The following INTS4 variants were observed in gnomAD, a reference collection of about 807,000 sequenced individuals.
INTS4 encodes MSTP093.
INTS4 carries 70 observed loss-of-function variants against 119.5 expected under a neutral mutation model. That is an observed-to-expected ratio of 0.59 (90% CI 0.48 to 0.71). The LOEUF is 0.71. Among genes scored for constraint, INTS4 ranks in the 30% least tolerant of loss-of-function variants. The pLI is 0.00. For missense variants in INTS4, 867 were observed against 1,173.2 expected (o/e 0.74, Z 3.81); for synonymous variants, 316 against 419.6 (o/e 0.75, Z 3.02).
In INTS4 at chr11:77,918,879, A is replaced by G; in HGVS notation, c.1864T>C (p.Tyr622His). Residue 622 changes from tyrosine to histidine, a missense_variant, in exon 15 of 23, where the codon TAT (tyrosine) becomes CAT (histidine). By Grantham distance (83) the Tyr-to-His change is moderately conservative. This residue lies in a region of INTS4 where 262 missense variants were observed against 376.0 expected (regional missense o/e 0.70). Coordinates refer to ENST00000534064, the MANE Select transcript of INTS4 (RefSeq NM_033547.4). ...QFLQQSLERV[Y>H]SLQHLDPQGA... is the part of the protein sequence containing the mutation. Reference sequence around the variant, plus strand: ...TGAGGGTCCAAGTGCTGAAGACTATACACTCTTTCAAGGCTCTGCTGCAGG... The same window carrying G: ...TGAGGGTCCAAGTGCTGAAGACTATGCACTCTTTCAAGGCTCTGCTGCAGG... 1 of 1,613,928 alleles carries G rather than the reference A, an allele frequency of 6.2e-7. No homozygotes were observed. The highest frequency in any genetic ancestry group is 8.5e-7 in the Non-Finnish European group (1 of 1,179,860).
chr11:77,952,453 G>A (rs1377970051), intron 8 of INTS4, among the ~76,000 whole-genome samples: 1 of 152,140 alleles, frequency 6.6e-6, no homozygotes, highest in East Asian at 1.9e-4. Context: ...ATGCAAATGA[G>A]TTAGGCATGT....
intron 11 of INTS4, among the ~76,000 whole-genome samples, chr11:77,926,556 C>T (rs1398115473): frequency 1.3e-5 from 2 of 152,022 alleles, no homozygotes; most frequent in Non-Finnish European, 2.9e-5. Flanking sequence ...ACCATAATCC[C>T]AGCACTTTGG....
At chr11:77,929,955 A>C (rs1385201443) in intron 10 of INTS4, among the ~76,000 whole-genome samples, 1 of 152,188 alleles carries the variant, frequency 6.6e-6, no homozygotes, top group Admixed American at 6.5e-5. Context: ...AAACAGAGGC[A>C]TGTTTTCCAC....
intron 10 of INTS4, among the ~76,000 whole-genome samples, chr11:77,933,156 A>G (rs1565254461): frequency 6.6e-6 from 1 of 152,144 alleles, no homozygotes; most frequent in Non-Finnish European, 1.5e-5. Context: ...CTGTATAACT[A>G]AATCATATAA....
rs146501641 is a variant in INTS4, at chr11:77,902,025, A to G, written c.2098-474T>C. On this transcript the variant is annotated intron_variant, in intron 17 of 22. Coordinates refer to ENST00000534064, the MANE Select transcript of INTS4 (RefSeq NM_033547.4). ...GTTTGGGACAGAAATAAGTGCAAGA[A>G]AACATTTGTCTATGACCCCAGATCA... 5.6e-4 allele frequency among the ~76,000 whole-genome samples: 86 copies of G among 152,314 alleles called. 1 individual carries two copies. In the East Asian group the frequency reaches 0.014, roughly 26 times the overall value.
At chr11:77,947,482 T>C (rs559078285) in intron 8 of INTS4, among the ~76,000 whole-genome samples, 1 of 152,346 alleles carries the variant, frequency 6.6e-6, no homozygotes, top group South Asian at 2.1e-4. Context: ...GAGAATGGGA[T>C]AGAATTAATA....
rs1855768271 is a variant in INTS4 at position 77,972,411 on chromosome 11, C to T, written c.471+6585G>A. 2.6e-5 allele frequency among the ~76,000 whole-genome samples: 3 copies of T among 117,280 alleles called. No individual in the cohort carries two copies. The South Asian group carries it at 7.2e-4, about 28-fold the overall frequency. The allele number at this position is 117,280 out of a possible 152,430, so 76.9% of individuals were successfully genotyped here. On this transcript the variant is annotated intron_variant, in intron 4 of 22. Transcript: ENST00000534064. ...ACCACACCCGGCCAATTTCTTGACTCTCAATACTTTTTTTTTTATTTTTGA... is the reference window on the plus strand; with the variant it reads ...ACCACACCCGGCCAATTTCTTGACTTTCAATACTTTTTTTTTTATTTTTGA...
At chr11:77,930,237 A>C (rs954082634) in intron 10 of INTS4, among the ~76,000 whole-genome samples, 8 of 152,236 alleles carry the variant, frequency 5.3e-5, no homozygotes, top group Non-Finnish European at 7.3e-5. Flanking sequence ...GTTGTGGTTA[A>C]AACTCACAAA....
chr11:77,974,670 A>G (rs1855875389), intron 4 of INTS4, among the ~76,000 whole-genome samples: 1 of 147,510 alleles, frequency 6.8e-6, no homozygotes. Flanking sequence ...TGGCACAATC[A>G]CAGCTCCTTA....
intron 21 of INTS4, chr11:77,884,759 CT>C (rs771237448): frequency 6.1e-4 from 231 of 381,296 alleles, no homozygotes; most frequent in East Asian, 8.6e-4. Context: ...TTCTTTCTTT[CT>C]TTTTTTTTCT....
chr11:77,938,803 C>T lies in INTS4; in HGVS notation c.1013G>A (p.Arg338His), dbSNP rs140822040. 10 of 1,611,758 alleles carry T rather than the reference C, an allele frequency of 6.2e-6. No homozygotes were observed. The highest frequency in any genetic ancestry group is 1.1e-5 in the South Asian group (1 of 90,968). The change falls in exon 10 of 23, where the codon CGT (arginine) becomes CAT (histidine). Residue 338 changes from arginine (R) to histidine (H), a missense_variant. Around this residue, in one of 5 missense-constraint regions of INTS4, gnomAD observed 208 missense variants for 306.6 expected, o/e 0.68. Transcript: ENST00000534064. ...CCCCGAACTGTAAAGTTCCTTGGCA[C>T]GCTCATGTGCAGTACGTTTCCTCTG... ...DLRRKRTAHERAKELYSSGEF... is the reference protein window; with the variant it reads ...DLRRKRTAHEHAKELYSSGEF...
intron 1 of INTS4, among the ~76,000 whole-genome samples, chr11:77,992,550 A>G (rs1428837782): frequency 6.6e-6 from 1 of 152,162 alleles, no homozygotes; most frequent in Non-Finnish European, 1.5e-5. Flanking sequence ...AAAAATAATA[A>G]TAAAATAAAA....
downstream of INTS4, among the ~76,000 whole-genome samples, chr11:77,877,741 C>A (rs1410068703): frequency 6.7e-6 from 1 of 149,656 alleles, no homozygotes; most frequent in African/African-American, 2.5e-5. Context: ...TGTTATATCA[C>A]ACTTGCAATT....
intron 15 of INTS4, among the ~76,000 whole-genome samples, chr11:77,913,660 T>C (rs1487617056): frequency 6.6e-6 from 1 of 152,222 alleles, no homozygotes; most frequent in African/African-American, 2.4e-5. Flanking sequence ...AACTATTATC[T>C]ATGTAACTGA....
At chr11:77,910,497 G>A (rs1790253) in intron 15 of INTS4, among the ~76,000 whole-genome samples, 113,184 of 149,934 alleles carry the variant, frequency 0.75, 43,430 homozygotes, top group African/African-American at 0.89. Flanking sequence ...ATGCTAAATG[G>A]TGAGTTAATG....
chr11:77,926,130 A>G (rs956187558), intron 11 of INTS4, among the ~76,000 whole-genome samples: 10 of 152,172 alleles, frequency 6.6e-5, no homozygotes, highest in African/African-American at 2.2e-4. Context: ...ATACATAGAC[A>G]GTGCTTGTTG....
At chr11:77,920,228 C>CACATATAT (rs1565244788) in intron 14 of INTS4, among the ~76,000 whole-genome samples, 2 of 15,184 alleles carry the variant, frequency 1.3e-4, no homozygotes, top group African/African-American at 4.1e-4. Flanking sequence ...TACACATATA[C>CACATATAT]ATACATATAT....
At chr11:77,980,432 T>C (rs1011913799) in intron 3 of INTS4, among the ~76,000 whole-genome samples, 5 of 152,310 alleles carry the variant, frequency 3.3e-5, no homozygotes, top group Admixed American at 2.0e-4. Context: ...CAGGCTGAAA[T>C]GCAGTGGCAT....
chr11:77,911,475 A>C (rs1056015431), intron 15 of INTS4, among the ~76,000 whole-genome samples: 1 of 152,222 alleles, frequency 6.6e-6, no homozygotes, highest in Non-Finnish European at 1.5e-5. Flanking sequence ...CAGAATACAG[A>C]CCAACTGACT....
Sources: allele counts gnomAD v4.1 joint callset (sites outside exome capture counted in the v4.1 genomes callset), GRCh38; gene constraint gnomAD v4.1.1; regional missense constraint gnomAD v4.1.1; transcripts MANE v1.5; gene names NCBI Gene and HGNC (gene_info 2026-07-23, HGNC 2026-07-21).